LINGO1: variants seen among roughly 807,000 people sequenced by gnomAD.
LINGO1 encodes leucine rich repeat and Ig domain containing 1.
Under a neutral mutation model 37.3 loss-of-function variants are expected in LINGO1, and 11 were observed. The observed-to-expected ratio is 0.29, with a 90% CI of 0.19 to 0.49. LINGO1 has a LOEUF of 0.49. LINGO1 is among the 20% of genes least tolerant of loss of function. LINGO1 has a pLI of 0.99. For missense variants in LINGO1, 585 were observed against 878.2 expected, an observed-to-expected ratio of 0.67 and a Z score of 4.22; for synonymous variants, 387 against 403.0, an observed-to-expected ratio of 0.96 and a Z score of 0.48.
In LINGO1 at chr15:77,614,544, C is replaced by T; in HGVS notation, c.1363G>A (p.Ala455Thr). 2.5e-6 allele frequency: 4 copies of T among 1,610,050 alleles called. No individual in the cohort carries two copies. The highest frequency in any genetic ancestry group is 1.1e-5 in the South Asian group (1 of 90,848). Residue 455 changes from alanine to threonine, a missense_variant, in exon 2 of 2, where the codon GCC (alanine) becomes ACC (threonine). Physicochemically the swap from Ala to Thr is moderately conservative, Grantham distance 58 (BLOSUM62 0). This residue lies in a region of LINGO1 where 484 missense variants were observed against 735.0 expected (regional missense o/e 0.66). Coordinates refer to ENST00000355300, the MANE Select transcript of LINGO1 (RefSeq NM_032808.7). ...VCRADGDPPPAILWLSPRKHL... is the reference protein window; with the variant it reads ...VCRADGDPPPTILWLSPRKHL... ...TTTCGGGGTGAGAGCCAGAGGATGG[C>T]GGGCGGCGGGTCGCCATCGGCCCGG...
chr15:77,723,042 G>A (rs1278024339), intron 2 of LINGO1, among the ~76,000 whole-genome samples: 1 of 152,198 alleles, frequency 6.6e-6, no homozygotes, highest in Admixed American at 6.5e-5. Flanking sequence ...CTCCGTCCCA[G>A]CTGTGTGACC....
intron 2 of LINGO1, among the ~76,000 whole-genome samples, chr15:77,680,412 A>G (rs182309945): frequency 8.4e-4 from 128 of 152,342 alleles, no homozygotes; most frequent in African/African-American, 3.0e-3. Context: ...ACCTTGCTGC[A>G]TATGTTGTTA....
At chr15:77,685,512 G>A (rs1282454274) in intron 2 of LINGO1, among the ~76,000 whole-genome samples, 2 of 152,148 alleles carry the variant, frequency 1.3e-5, no homozygotes, top group East Asian at 1.9e-4. Context: ...ACATGCCCCT[G>A]AAGGCCTCCC....
chr15:77,805,782 A>G (rs751868867), intron 1 of LINGO1, among the ~76,000 whole-genome samples: 10 of 152,190 alleles, frequency 6.6e-5, no homozygotes, highest in Admixed American at 2.6e-4. Flanking sequence ...AAGCTTAAAA[A>G]TGGGAACAAG....
chr15:77,729,330 C>G (rs1359599473), intron 2 of LINGO1, among the ~76,000 whole-genome samples: 1 of 152,220 alleles, frequency 6.6e-6, no homozygotes, highest in Non-Finnish European at 1.5e-5. Flanking sequence ...TGATTATCAG[C>G]CAATGAGGAG....
At chr15:77,808,024 AAGG>A (rs1224639752) in intron 1 of LINGO1, among the ~76,000 whole-genome samples, 1 of 152,132 alleles carries the variant, frequency 6.6e-6, no homozygotes, top group African/African-American at 2.4e-5. Context: ...AATCAAAGAT[AAGG>A]AGATGAGCCT....
intron 3 of LINGO1, among the ~76,000 whole-genome samples, chr15:77,644,529 T>C (rs2141118826): frequency 6.6e-6 from 1 of 152,316 alleles, no homozygotes; most frequent in South Asian, 2.1e-4. Flanking sequence ...GAAATAAGGA[T>C]GGCATTGGTG....
At chr15:77,694,112 G>C (rs138101657) in intron 1 of LINGO1, among the ~76,000 whole-genome samples, 10 of 152,242 alleles carry the variant, frequency 6.6e-5, no homozygotes, top group African/African-American at 2.4e-4. Flanking sequence ...GTTGATTTCT[G>C]CCATGAGCTT....
At position 77,615,733 on chromosome 15, in the gene LINGO1, G is replaced by A. The variant is rs1359571017; in HGVS notation, c.174C>T (p.His58=). The change falls in exon 2 of 2, where the codon CAC becomes CAT. Residue 58 remains histidine (H), a synonymous_variant. Transcript: ENST00000355300. ...CGGGGACTGCCACAAAGCGCTTGCG[G>A]TGGCACAGCACAGCGCGGTCCTGGG... ...CSAQDRAVLC[H]RKRFVAVPEG... is the part of the protein sequence containing the mutation. 3 of 1,595,616 alleles carry A rather than the reference G, an allele frequency of 1.9e-6. No individual in the cohort carries two copies. Among genetic ancestry groups the A allele is most frequent in the Non-Finnish European group, 2.6e-6 (3 of 1,173,464 alleles).
intron 3 of LINGO1, among the ~76,000 whole-genome samples, chr15:77,669,261 G>C (rs928905925): frequency 2.0e-4 from 30 of 152,198 alleles, no homozygotes; most frequent in African/African-American, 7.2e-4. Flanking sequence ...CTGGCTTAGG[G>C]TCGCCTCTGC....
At chr15:77,700,021 GA>G (rs1472053257), upstream of LINGO1, among the ~76,000 whole-genome samples, 1 of 152,224 alleles carries the variant, frequency 6.6e-6, no homozygotes. Context: ...AAGTAACAGG[GA>G]TGGTAGAGGC....
At chr15:77,690,626 A>G (rs2075587019) in intron 2 of LINGO1, 1 of 152,262 alleles carries the variant, frequency 6.6e-6, no homozygotes, top group South Asian at 2.1e-4. Context: ...TGACCGATAC[A>G]GTGTACAGAA....
chr15:77,698,681 G>A (rs745666660), upstream of LINGO1, among the ~76,000 whole-genome samples: 1 of 152,212 alleles, frequency 6.6e-6, no homozygotes, highest in Non-Finnish European at 1.5e-5. Context: ...AGGCACAGTC[G>A]CTGGGAGAGG....
At chr15:77,761,441 C>T (rs1393240098) in intron 1 of LINGO1, among the ~76,000 whole-genome samples, 1 of 152,178 alleles carries the variant, frequency 6.6e-6, no homozygotes, top group East Asian at 1.9e-4. Flanking sequence ...GAAGTTGGGA[C>T]AGGCATTCTT....
At chr15:77,678,123 G>T (rs569007871) in intron 2 of LINGO1, among the ~76,000 whole-genome samples, 1 of 152,322 alleles carries the variant, frequency 6.6e-6, no homozygotes, top group South Asian at 2.1e-4. Context: ...AGACTGACTT[G>T]TTATTTGGTT....
At chr15:77,647,651 A>G (rs2074664135) in intron 3 of LINGO1, among the ~76,000 whole-genome samples, 1 of 152,182 alleles carries the variant, frequency 6.6e-6, no homozygotes, top group South Asian at 2.1e-4. Flanking sequence ...GGCTGGGTCA[A>G]TGGCAGCCTT....
At chr15:77,681,331 G>T (rs1441678394) in intron 2 of LINGO1, among the ~76,000 whole-genome samples, 5 of 151,916 alleles carry the variant, frequency 3.3e-5, no homozygotes, top group African/African-American at 7.3e-5. Flanking sequence ...CATAGCATTT[G>T]CTCAGATAAG....
At chr15:77,709,673 C>G (rs1370981116) in intron 2 of LINGO1, among the ~76,000 whole-genome samples, 1 of 152,264 alleles carries the variant, frequency 6.6e-6, no homozygotes, top group African/African-American at 2.4e-5. Context: ...TTTCCCAACT[C>G]TCTCCTGAAG....
intron 1 of LINGO1, among the ~76,000 whole-genome samples, chr15:77,765,820 C>T (rs1349678127): frequency 1.3e-5 from 2 of 152,180 alleles, no homozygotes; most frequent in Non-Finnish European, 2.9e-5. Context: ...GCCATTGGGG[C>T]TTCCCTGTGA....
Sources: gnomAD v4.1 joint callset for allele counts (sites outside exome capture counted in the v4.1 genomes callset) on GRCh38, gnomAD v4.1.1 for gene constraint, gnomAD v4.1.1 regional missense constraint, MANE v1.5 for transcripts, NCBI Gene and HGNC (gene_info 2026-07-23, HGNC 2026-07-21) for gene names.